Variants in TLK1 observed in about 807,000 individuals in gnomAD.
TLK1 encodes tousled like kinase 1.
In TLK1, 24 loss-of-function variants were observed where a neutral mutation model predicts 105.3. That is an observed-to-expected ratio of 0.23 (90% CI 0.17 to 0.32). TLK1 has a LOEUF of 0.32. Ranked by LOEUF, TLK1 falls within the 10% of genes least tolerant of loss-of-function variation. TLK1 has a pLI of 1.00. For missense variants in TLK1, 558 were observed against 910.5 expected (o/e 0.61, Z 4.98); for synonymous variants, 321 against 310.4 (o/e 1.03, Z -0.36).
At chr2:171,080,152 G>A (rs1373917287) in intron 3 of TLK1, among the ~76,000 whole-genome samples, 87 of 145,884 alleles carry the variant, frequency 6.0e-4, no homozygotes, top group Admixed American at 1.0e-3. Context: ...AGACGAGATC[G>A]CACCACTACA....
intron 12 of TLK1, among the ~76,000 whole-genome samples, chr2:171,027,626 T>C (rs1209522245): frequency 6.6e-6 from 1 of 152,200 alleles, no homozygotes; most frequent in East Asian, 1.9e-4. Flanking sequence ...AAGAAATAAG[T>C]TTGCTATTTA....
chr2:171,157,835 C>G (rs1042897976), intron 1 of TLK1, among the ~76,000 whole-genome samples: 5 of 152,288 alleles, frequency 3.3e-5, no homozygotes, highest in African/African-American at 9.6e-5. Context: ...ATGTGTATCT[C>G]TTTTAAGTTT....
At chr2:171,180,923 A>G (rs978136010) in intron 1 of TLK1, among the ~76,000 whole-genome samples, 6 of 151,924 alleles carry the variant, frequency 3.9e-5, no homozygotes, top group Admixed American at 2.6e-4. Context: ...AATGTTAAAA[A>G]GTTCAGAGAC....
chr2:171,104,788 T>G (rs1198219864), intron 2 of TLK1, among the ~76,000 whole-genome samples: 1 of 152,202 alleles, frequency 6.6e-6, no homozygotes. Flanking sequence ...CTTTTTCTGC[T>G]AGTTCATTGT....
rs138913886 is a variant in TLK1 at position 171,076,917 on chromosome 2, AAAAG to A, written c.330+5860_330+5863del. ...CAACGAGTGAGACTCTGTCTCAAAA[AAAAG>A]AAAGAAAGAAAGAAAGAAAAAAGAA... On this transcript the variant is annotated intron_variant, in intron 3 of 20. Coordinates refer to ENST00000431350, the MANE Select transcript of TLK1 (RefSeq NM_012290.5). Among the ~76,000 whole-genome samples the A allele has an allele frequency of 1.8e-3, 278 of 151,806 alleles. 1 individual carries two copies. Among genetic ancestry groups the A allele is most frequent in the Non-Finnish European group, 2.8e-3 (191 of 67,992 alleles).
rs1396675625 is a variant in TLK1 at position 170,992,748 on chromosome 2, GAAGCA to G, written c.*1027_*1031del. The stretch of plus-strand genomic sequence containing the variant: ...CTAGGTCATTTAATTTTTTAGCAAA[GAAGCA>G]ACATCATTTAGCAGCAATTAGAGTG... On this transcript the variant is annotated 3_prime_UTR_variant, in exon 21 of 21. Transcript: ENST00000431350. The G allele has an allele frequency of 6.6e-6, 1 of 152,252 alleles. No individual in the cohort carries two copies. The highest frequency in any genetic ancestry group is 2.4e-5 in the African/African-American group (1 of 41,374). 9.4% of individuals were successfully genotyped at this position (152,252 alleles called of 1,614,324 possible).
intron 1 of TLK1, among the ~76,000 whole-genome samples, chr2:171,199,668 G>C (rs1341191302): frequency 6.6e-6 from 1 of 152,184 alleles, no homozygotes; most frequent in African/African-American, 2.4e-5. Flanking sequence ...CACAGTCAAA[G>C]TAGTAAATCC....
intron 1 of TLK1, among the ~76,000 whole-genome samples, chr2:171,176,472 C>T (rs1229327599): frequency 6.6e-6 from 1 of 152,160 alleles, no homozygotes; most frequent in Non-Finnish European, 1.5e-5. Flanking sequence ...CTGTTCTTTC[C>T]CCAGTTTTCC....
chr2:171,140,103 C>A (rs1691510274), intron 1 of TLK1, among the ~76,000 whole-genome samples: 1 of 151,868 alleles, frequency 6.6e-6, no homozygotes. Context: ...TGTTGTGGAC[C>A]CGATATAACC....
chr2:170,999,305 T>C (rs1199440270), intron 18 of TLK1, among the ~76,000 whole-genome samples: 2 of 152,230 alleles, frequency 1.3e-5, no homozygotes, highest in East Asian at 3.8e-4. Flanking sequence ...TCTCTTAAAA[T>C]ACACATGAAA....
intron 1 of TLK1, among the ~76,000 whole-genome samples, chr2:171,207,292 GA>G (rs1344419380): frequency 6.6e-6 from 1 of 152,226 alleles, no homozygotes; most frequent in African/African-American, 2.4e-5. Context: ...AAGGCAAATT[GA>G]AAAGGCTACA....
At chr2:171,117,226 TC>T (rs1690472824) in intron 2 of TLK1, among the ~76,000 whole-genome samples, 1 of 152,134 alleles carries the variant, frequency 6.6e-6, no homozygotes, top group Admixed American at 6.5e-5. Flanking sequence ...TGTGCACAGT[TC>T]ACAATAGAGT....
intron 10 of TLK1, among the ~76,000 whole-genome samples, chr2:171,049,591 A>C (rs767866700): frequency 6.6e-6 from 1 of 152,244 alleles, no homozygotes; most frequent in Non-Finnish European, 1.5e-5. Context: ...GGAAAGTCAG[A>C]ATTAGAATAA....
At chr2:171,018,751 T>C (rs918005407) in intron 12 of TLK1, among the ~76,000 whole-genome samples, 1 of 152,132 alleles carries the variant, frequency 6.6e-6, no homozygotes, top group South Asian at 2.1e-4. Context: ...ATTCATACAC[T>C]AGCTGAGCAG....
intron 14 of TLK1, among the ~76,000 whole-genome samples, chr2:171,008,298 G>A (rs1684738406): frequency 6.6e-6 from 1 of 152,150 alleles, no homozygotes; most frequent in Non-Finnish European, 1.5e-5. Context: ...TAAAACATAT[G>A]AGGTGTTTAG....
chr2:171,053,959 G>T, intron 7 of TLK1, 106 bp from the exon 8 acceptor site: 4 of 803,702 alleles, frequency 5.0e-6, no homozygotes, highest in Non-Finnish European at 7.4e-6. Flanking sequence ...AAATATATTT[G>T]TGTGTATATG....
intron 2 of TLK1, among the ~76,000 whole-genome samples, chr2:171,093,991 T>C (rs939300849): frequency 6.6e-6 from 1 of 152,128 alleles, no homozygotes; most frequent in African/African-American, 2.4e-5. Flanking sequence ...CTAACCAGAA[T>C]GGATGCTGTG....
intron 3 of TLK1, among the ~76,000 whole-genome samples, chr2:171,070,918 AT>A (rs1285541982): frequency 6.6e-6 from 1 of 152,124 alleles, no homozygotes; most frequent in Non-Finnish European, 1.5e-5. Context: ...TTTTCTCCAC[AT>A]CCTTGCCAGC....
chr2:171,003,275 A>C (rs980863600), intron 18 of TLK1, among the ~76,000 whole-genome samples: 5 of 66,512 alleles, frequency 7.5e-5, no homozygotes, highest in Non-Finnish European at 1.7e-4. Context: ...CTCCGTCTCA[A>C]AAAAAAAAAA....
Sources: allele counts gnomAD v4.1 joint callset (sites outside exome capture counted in the v4.1 genomes callset), GRCh38; gene constraint gnomAD v4.1.1; transcripts MANE v1.5; gene names NCBI Gene and HGNC (gene_info 2026-07-23, HGNC 2026-07-21).